PTPRK: variants seen among roughly 807,000 people sequenced by gnomAD.
The protein encoded by PTPRK is protein tyrosine phosphatase receptor type K.
PTPRK carries 75 observed loss-of-function variants against 178.0 expected under a neutral mutation model. The ratio of observed to expected loss-of-function variants is 0.42; its 90% CI spans 0.35 to 0.51. The LOEUF (loss-of-function observed/expected upper bound fraction) is 0.51. PTPRK is among the 20% of genes least tolerant of loss of function. The pLI, the probability that PTPRK is intolerant of heterozygous loss-of-function variation, is 0.02. For missense variants in PTPRK, 1,441 were observed against 1,797.8 expected (o/e 0.80, Z 3.59); for synonymous variants, 637 against 620.6 (o/e 1.03, Z -0.39).
intron 3 of PTPRK, among the ~76,000 whole-genome samples, chr6:128,280,383 T>C (rs1385722257): frequency 6.6e-6 from 1 of 152,178 alleles, no homozygotes. Flanking sequence ...ATGATCTCAG[T>C]AGCAAGAAAA....
At chr6:128,121,709 A>G (rs532628944) in intron 7 of PTPRK, among the ~76,000 whole-genome samples, 2 of 151,982 alleles carry the variant, frequency 1.3e-5, no homozygotes, top group African/African-American at 4.8e-5. Context: ...GCCTTTTTGG[A>G]CTCTGTACCT....
At chr6:127,993,820 T>A (rs753689481) in intron 18 of PTPRK, among the ~76,000 whole-genome samples, 14 of 151,770 alleles carry the variant, frequency 9.2e-5, no homozygotes, top group Non-Finnish European at 1.5e-4. Context: ...GGGAAAATTA[T>A]GAAATTGTAT....
chr6:128,240,522 A>G (rs730202), intron 4 of PTPRK, among the ~76,000 whole-genome samples: 14,553 of 152,226 alleles, frequency 0.096, 1,528 homozygotes, highest in East Asian at 0.34. Context: ...TGAAATCAGA[A>G]CCTAATATAA....
rs1295273991 is a variant in PTPRK, at chr6:128,009,121, A to G, written c.2333+9T>C. The G allele has an allele frequency of 6.2e-7, 1 of 1,606,734 alleles. No individual in the cohort carries two copies. Among genetic ancestry groups the G allele is most frequent in the Non-Finnish European group, 8.5e-7 (1 of 1,174,958 alleles). On this transcript the variant is annotated intron_variant, in intron 14 of 29. Coordinates refer to ENST00000368226, the MANE Select transcript of PTPRK (RefSeq NM_002844.4). The stretch of plus-strand genomic sequence containing the variant: ...TAAGTGAGTGGGACAGGACAATATT[A>G]GGCCTTACCTCTTTTTTACAATTAA...
chr6:128,268,988 T>C (rs1819375278), intron 3 of PTPRK, among the ~76,000 whole-genome samples: 1 of 152,044 alleles, frequency 6.6e-6, no homozygotes, highest in Non-Finnish European at 1.5e-5. Context: ...AGAAACTGTA[T>C]GGTTAACATT....
intron 2 of PTPRK, among the ~76,000 whole-genome samples, chr6:128,388,202 T>C (rs2128361790): frequency 6.6e-6 from 1 of 152,348 alleles, no homozygotes; most frequent in South Asian, 2.1e-4. Context: ...TTTGTGTTTA[T>C]TTATTGATAC....
intron 2 of PTPRK, among the ~76,000 whole-genome samples, chr6:128,346,723 TC>T (rs1832480069): frequency 6.6e-6 from 1 of 152,068 alleles, no homozygotes; most frequent in African/African-American, 2.4e-5. Flanking sequence ...ACAAATTGTT[TC>T]CCCTTTCTGG....
At chr6:128,470,697 G>A (rs939775752) in intron 1 of PTPRK, among the ~76,000 whole-genome samples, 1 of 145,426 alleles carries the variant, frequency 6.9e-6, no homozygotes, top group Non-Finnish European at 1.5e-5. Context: ...TTAACATACA[G>A]ATTTTACAGG....
At chr6:128,179,551 A>G (rs1801595578) in intron 7 of PTPRK, among the ~76,000 whole-genome samples, 1 of 152,130 alleles carries the variant, frequency 6.6e-6, no homozygotes, top group Non-Finnish European at 1.5e-5. Context: ...AAGATCATAT[A>G]TAAGAAGCTC....
chr6:128,469,232 G>A (rs973302536), intron 1 of PTPRK, among the ~76,000 whole-genome samples: 1 of 152,160 alleles, frequency 6.6e-6, no homozygotes, highest in Admixed American at 6.6e-5. Flanking sequence ...AGAAACAAAA[G>A]GTTAGCTTGT....
At chr6:128,191,674 T>C (rs1462938058) in intron 6 of PTPRK, among the ~76,000 whole-genome samples, 1 of 152,082 alleles carries the variant, frequency 6.6e-6, no homozygotes, top group Non-Finnish European at 1.5e-5. Flanking sequence ...ATTGTACAAC[T>C]TAAATATATT....
At chr6:128,204,961 G>A (rs1346623622) in intron 6 of PTPRK, among the ~76,000 whole-genome samples, 1 of 152,104 alleles carries the variant, frequency 6.6e-6, no homozygotes, top group African/African-American at 2.4e-5. Flanking sequence ...ATACATGCAT[G>A]TGTGTGTTCA....
intron 3 of PTPRK, among the ~76,000 whole-genome samples, chr6:128,314,855 G>C (rs1827781653): frequency 6.7e-6 from 1 of 149,198 alleles, no homozygotes; most frequent in South Asian, 2.1e-4. Flanking sequence ...AAAAAAAAAA[G>C]GAGACCTTCT....
chr6:128,027,315 G>A (rs115122112), intron 13 of PTPRK, among the ~76,000 whole-genome samples: 4,483 of 152,124 alleles, frequency 0.029, 148 homozygotes, highest in African/African-American at 0.077. Flanking sequence ...TTTATTGCCC[G>A]GGAATTCATT....
At chr6:128,111,992 G>C (rs1351280625) in intron 7 of PTPRK, among the ~76,000 whole-genome samples, 2 of 151,960 alleles carry the variant, frequency 1.3e-5, no homozygotes, top group African/African-American at 2.4e-5. Context: ...GGAGGGGAGG[G>C]TGCTGAAAAA....
At position 128,481,899 on chromosome 6, in the gene PTPRK, G is replaced by C. The variant is rs1852132976; in HGVS notation, c.100+38360C>G. 2.6e-5 allele frequency among the ~76,000 whole-genome samples: 4 copies of C among 152,074 alleles called. No homozygotes were observed. In the South Asian group the frequency reaches 8.3e-4, roughly 32 times the overall value. On this transcript the variant is annotated intron_variant, in intron 1 of 29. Transcript: ENST00000368226. ...TGCAGAAAACAAGCACACTACAAAG[G>C]CTGGCTAACTAAATGAAGGGGGGTT...
chr6:128,189,274 C>G (rs1213281323), intron 6 of PTPRK, among the ~76,000 whole-genome samples: 2 of 104,696 alleles, frequency 1.9e-5, no homozygotes, highest in African/African-American at 7.6e-5. Flanking sequence ...AGAGTCTCAT[C>G]TGTTACCCAG....
intron 12 of PTPRK, among the ~76,000 whole-genome samples, chr6:128,065,378 C>T (rs567129193): frequency 1.2e-4 from 19 of 152,160 alleles, no homozygotes; most frequent in Admixed American, 3.9e-4. Context: ...CTAGACAGAG[C>T]GGGTATACAA....
intron 6 of PTPRK, among the ~76,000 whole-genome samples, chr6:128,214,544 C>CATT (rs369013218): frequency 0.012 from 1,742 of 150,020 alleles, 14 homozygotes; most frequent in South Asian, 0.025. Flanking sequence ...ACCAGTGATG[C>CATT]ATTATTATTA....
Sources: allele counts gnomAD v4.1 joint callset (sites outside exome capture counted in the v4.1 genomes callset), GRCh38; gene constraint gnomAD v4.1.1; transcripts MANE v1.5; gene names NCBI Gene and HGNC (gene_info 2026-07-23, HGNC 2026-07-21).